Variants in CRYL1 observed in about 807,000 individuals in gnomAD.
The protein encoded by CRYL1 is lambda-crystallin homolog.
CRYL1 carries 29 observed loss-of-function variants against 36.6 expected under a neutral mutation model. The observed-to-expected ratio is 0.79, with a 90% CI of 0.59 to 1.08. The LOEUF is 1.08. Among genes scored for constraint, CRYL1 ranks in the 50% least tolerant of loss-of-function variants. The probability of loss-of-function intolerance (pLI) is 0.00; values close to 1 mark genes in which losing one functional copy is unlikely to be tolerated. For missense variants in CRYL1, 411 were observed against 407.9 expected (o/e 1.01, Z -0.06); for synonymous variants, 152 against 151.5 (o/e 1.00, Z -0.02).
Position 20,415,336 on chromosome 13 carries a change from T to A in CRYL1, c.634-1949A>T, listed in dbSNP as rs1313482477. ...TGGGCCTCCAGGGCAGCCCCAGGGG[T>A]CCCCCGAGAAGCGAGAAAAGGGGTT... On this transcript the variant is annotated intron_variant, in intron 5 of 7. Coordinates refer to ENST00000298248, the MANE Select transcript of CRYL1 (RefSeq NM_015974.3). This position sits in a 1 kb window ranked among gnomAD's most constrained non-coding sequence, Gnocchi z 4.1. Among the ~76,000 whole-genome samples, 2 of 150,840 alleles carry A rather than the reference T, an allele frequency of 1.3e-5. No individual in the cohort carries two copies. Among genetic ancestry groups the A allele is most frequent in the African/African-American group, 4.9e-5 (2 of 40,916 alleles).
chr13:20,478,506 T>C (rs1001784528), intron 3 of CRYL1, among the ~76,000 whole-genome samples: 1 of 152,152 alleles, frequency 6.6e-6, no homozygotes, highest in Admixed American at 6.5e-5. Context: ...AACAGGGTCT[T>C]ACTCTATCAC....
intron 3 of CRYL1, among the ~76,000 whole-genome samples, chr13:20,486,116 C>A (rs1374595897): frequency 6.6e-6 from 1 of 152,044 alleles, no homozygotes; most frequent in Non-Finnish European, 1.5e-5. Context: ...GATGAGGTCT[C>A]ACCATATTGG....
intron 3 of CRYL1, among the ~76,000 whole-genome samples, chr13:20,485,268 A>G (rs1477488055): frequency 6.6e-6 from 1 of 151,930 alleles, no homozygotes; most frequent in Non-Finnish European, 1.5e-5. Flanking sequence ...GTCTGCCCAC[A>G]TTGGCCTCCC....
intron 3 of CRYL1, among the ~76,000 whole-genome samples, chr13:20,470,605 A>G (rs914626145): frequency 2.6e-5 from 4 of 152,166 alleles, no homozygotes; most frequent in African/African-American, 9.7e-5. Flanking sequence ...TCTCAAGACA[A>G]AAGCTATAAA....
intron 3 of CRYL1, among the ~76,000 whole-genome samples, chr13:20,487,136 GGGAT>G (rs1044344727): frequency 5.3e-5 from 8 of 152,080 alleles, no homozygotes; most frequent in African/African-American, 1.7e-4. Context: ...TCAAAAAAAT[GGGAT>G]GGGGAGACAA....
chr13:20,415,744 G>A lies in CRYL1; in HGVS notation c.634-2357C>T, dbSNP rs947630564. Among the ~76,000 whole-genome samples, 1 of 152,254 alleles carries A rather than the reference G, an allele frequency of 6.6e-6. No homozygotes were observed. Among genetic ancestry groups the A allele is most frequent in the Non-Finnish European group, 1.5e-5 (1 of 68,042 alleles). ...GGCCCGCACCCTGACTCCTGCAATT[G>A]CGGCTTTCCCGCTTTTCAGACTGGC... On this transcript the variant is annotated intron_variant, in intron 5 of 7. Coordinates refer to ENST00000298248, the MANE Select transcript of CRYL1 (RefSeq NM_015974.3). This position sits in a 1 kb window ranked among gnomAD's most constrained non-coding sequence, Gnocchi z 4.1.
intron 5 of CRYL1, chr13:20,431,127 T>G (rs928511466): frequency 2.0e-6 from 2 of 985,292 alleles, no homozygotes; most frequent in African/African-American, 3.5e-5. Flanking sequence ...AGGCCACATC[T>G]GTGATGCACA....
chr13:20,414,499 G>C (rs906325468), intron 5 of CRYL1, among the ~76,000 whole-genome samples: 1 of 152,160 alleles, frequency 6.6e-6, no homozygotes. Flanking sequence ...ACCCAGGGGG[G>C]AGTAAGATTA....
intron 4 of CRYL1, among the ~76,000 whole-genome samples, chr13:20,433,341 G>A (rs1320018716): frequency 6.6e-6 from 1 of 152,206 alleles, no homozygotes; most frequent in East Asian, 1.9e-4. Context: ...AACCTGACTG[G>A]CCTGAGCACT....
chr13:20,490,148 T>C (rs2033480788), intron 2 of CRYL1, among the ~76,000 whole-genome samples: 1 of 152,268 alleles, frequency 6.6e-6, no homozygotes, highest in Admixed American at 6.5e-5. Context: ...TCCAGCACTT[T>C]GGGAGGCCGA....
At chr13:20,432,383 G>T in intron 4 of CRYL1, 87 bp from the exon 5 acceptor site, 1 of 898,908 alleles carries the variant, frequency 1.1e-6, no homozygotes, top group Non-Finnish European at 1.7e-6. Context: ...AGGAGCAGCA[G>T]ATGCATCTTT....
At chr13:20,475,935 A>G (rs2033157712) in intron 3 of CRYL1, among the ~76,000 whole-genome samples, 1 of 152,234 alleles carries the variant, frequency 6.6e-6, no homozygotes, top group African/African-American at 2.4e-5. Context: ...AAGTGTACTC[A>G]GTCAGTGGAA....
intron 3 of CRYL1, among the ~76,000 whole-genome samples, chr13:20,480,360 T>A (rs1452468240): frequency 6.6e-6 from 1 of 150,752 alleles, no homozygotes; most frequent in Non-Finnish European, 1.5e-5. Flanking sequence ...CCAGCCTGGG[T>A]GACAAGAATG....
intron 7 of CRYL1, 148 bp from the exon 8 acceptor site, chr13:20,404,390 C>T: frequency 1.6e-6 from 1 of 640,026 alleles, no homozygotes; most frequent in South Asian, 1.9e-5. Flanking sequence ...CTTTCCAAAT[C>T]TTGAAAGACC....
chr13:20,431,282 A>G, intron 5 of CRYL1: 2 of 985,452 alleles, frequency 2.0e-6, no homozygotes, highest in Non-Finnish European at 2.4e-6. Context: ...AGCCAGGTGC[A>G]GATGACTCGA....
At position 20,425,290 on chromosome 13, in the gene CRYL1, G is replaced by A. The variant is rs771867086; in HGVS notation, c.633+6812C>T. On this transcript the variant is annotated intron_variant, in intron 5 of 7. Coordinates refer to ENST00000298248, the MANE Select transcript of CRYL1 (RefSeq NM_015974.3). The surrounding 1 kb of genome is among the most constrained non-coding windows in gnomAD (Gnocchi z 4.4). Reference sequence around the variant, plus strand: ...TCCTGTCCTTGACCTCAAAGCCTGTGAAACGATGATGGAGCCCAGTTCTGC... The same window carrying A: ...TCCTGTCCTTGACCTCAAAGCCTGTAAAACGATGATGGAGCCCAGTTCTGC... Among the ~76,000 whole-genome samples, 2 of 152,222 alleles carry A rather than the reference G, an allele frequency of 1.3e-5. No individual in the cohort carries two copies. The highest frequency in any genetic ancestry group is 2.4e-5 in the African/African-American group (1 of 41,454).
chr13:20,463,764 A>G (rs1250110501), intron 3 of CRYL1, among the ~76,000 whole-genome samples: 4 of 152,238 alleles, frequency 2.6e-5, no homozygotes, highest in Non-Finnish European at 5.9e-5. Flanking sequence ...GAAGATATGG[A>G]GAAATGAAAA....
rs931552730 is a variant in CRYL1 at position 20,415,980 on chromosome 13, G to T, written c.634-2593C>A. ...GCCATGAGCCTTTGGCTAGTCTGGGGCTCCTGTGAGCAGGGCAGCCAGGGT... is the reference window on the plus strand; with the variant it reads ...GCCATGAGCCTTTGGCTAGTCTGGGTCTCCTGTGAGCAGGGCAGCCAGGGT... On this transcript the variant is annotated intron_variant, in intron 5 of 7. Transcript: ENST00000298248. This position sits in a 1 kb window ranked among gnomAD's most constrained non-coding sequence, Gnocchi z 4.1. Among the ~76,000 whole-genome samples the T allele has an allele frequency of 2.0e-5, 3 of 152,212 alleles. No individual in the cohort carries two copies. Among genetic ancestry groups the T allele is most frequent in the Non-Finnish European group, 1.5e-5 (1 of 68,036 alleles).
At chr13:20,482,468 A>G (rs770874603) in intron 3 of CRYL1, among the ~76,000 whole-genome samples, 1 of 152,194 alleles carries the variant, frequency 6.6e-6, no homozygotes, top group Admixed American at 6.5e-5. Flanking sequence ...TTCAGAGTAA[A>G]CTTATTTTTC....
Sources: allele counts gnomAD v4.1 joint callset (sites outside exome capture counted in the v4.1 genomes callset), GRCh38; gene constraint gnomAD v4.1.1; non-coding constraint Gnocchi (gnomAD v3.1); transcripts MANE v1.5; gene names NCBI Gene and HGNC (gene_info 2026-07-23, HGNC 2026-07-21).